The following CENPC variants were observed in gnomAD, a reference collection of about 807,000 sequenced individuals.
CENPC encodes centromere protein C.
A neutral mutation model predicts 112.1 loss-of-function variants in CENPC; 63 were observed. That is an observed-to-expected ratio of 0.56 (90% CI 0.46 to 0.69). The LOEUF is 0.69. Among genes scored for constraint, CENPC ranks in the 30% least tolerant of loss-of-function variants. CENPC has a pLI of 0.00. For synonymous variants in CENPC, 333 were observed against 367.6 expected, an observed-to-expected ratio of 0.91 and a Z score of 1.08; for missense variants, 1,000 against 1,103.8, an observed-to-expected ratio of 0.91 and a Z score of 1.33.
At chr4:67,490,624 G>A (rs1361503240) in intron 16 of CENPC, among the ~76,000 whole-genome samples, 1 of 151,320 alleles carries the variant, frequency 6.6e-6, no homozygotes, top group Non-Finnish European at 1.5e-5. Flanking sequence ...TTTTTTTCCT[G>A]CTTGACTAAT....
intron 18 of CENPC, among the ~76,000 whole-genome samples, chr4:67,473,752 A>AG (rs1560415902): frequency 6.6e-6 from 1 of 151,980 alleles, no homozygotes; most frequent in Non-Finnish European, 1.5e-5. Flanking sequence ...GGGTCTTCCT[A>AG]GGTTGCCCAG....
chr4:67,518,529 A>T (rs1253709078), intron 6 of CENPC, among the ~76,000 whole-genome samples, 161 bp from the exon 7 acceptor site: 1 of 152,180 alleles, frequency 6.6e-6, no homozygotes, highest in African/African-American at 2.4e-5. Context: ...CAAATACATA[A>T]GATAAACTGC....
intron 12 of CENPC, among the ~76,000 whole-genome samples, chr4:67,504,076 T>A (rs1725667569): frequency 7.8e-6 from 1 of 128,204 alleles, no homozygotes; most frequent in Non-Finnish European, 1.6e-5. Flanking sequence ...TGCTTCCCGA[T>A]CAGTGGTGAA....
At chr4:67,495,136 T>A (rs1176914224) in intron 13 of CENPC, 23 bp downstream of exon 13, 1 of 1,492,048 alleles carries the variant, frequency 6.7e-7, no homozygotes, top group Non-Finnish European at 8.9e-7. Flanking sequence ...AATGAAAATA[T>A]TAAAAAAGAA....
At chr4:67,519,085 T>C (rs764649698) in intron 6 of CENPC, 132 bp downstream of exon 6, 2 of 666,620 alleles carry the variant, frequency 3.0e-6, no homozygotes, top group Non-Finnish European at 4.9e-6. Context: ...ATGCTAAATG[T>C]ATACTTTCTC....
At chr4:67,518,721 AT>A (rs1273242202) in intron 6 of CENPC, among the ~76,000 whole-genome samples, 1 of 152,190 alleles carries the variant, frequency 6.6e-6, no homozygotes, top group Non-Finnish European at 1.5e-5. Flanking sequence ...GGCTCCAGTA[AT>A]CATACAATAC....
chr4:67,498,184 G>A (rs1471243718), intron 12 of CENPC, among the ~76,000 whole-genome samples: 1 of 151,592 alleles, frequency 6.6e-6, no homozygotes, highest in Admixed American at 6.6e-5. Flanking sequence ...TCAGTGAGCC[G>A]AGATCACACC....
intron 17 of CENPC, among the ~76,000 whole-genome samples, chr4:67,480,745 T>C (rs553410410): frequency 6.6e-6 from 1 of 152,310 alleles, no homozygotes; most frequent in East Asian, 1.9e-4. Flanking sequence ...AAATCCGGCA[T>C]TGCTTTATGA....
intron 17 of CENPC, among the ~76,000 whole-genome samples, chr4:67,480,754 GATTAAAA>G (rs1724934762): frequency 6.6e-6 from 1 of 152,180 alleles, no homozygotes; most frequent in African/African-American, 2.4e-5. Flanking sequence ...ATTGCTTTAT[GATTAAAA>G]CCCTCAGCAA....
intron 12 of CENPC, among the ~76,000 whole-genome samples, chr4:67,503,331 G>A (rs577382388): frequency 4.4e-4 from 67 of 152,024 alleles, no homozygotes; most frequent in African/African-American, 1.3e-3. Context: ...ACAGCTGCAC[G>A]GTTTGCTGTC....
intron 6 of CENPC, among the ~76,000 whole-genome samples, 165 bp from the exon 7 acceptor site, chr4:67,518,533 A>G (rs1726126385): frequency 6.6e-6 from 1 of 152,176 alleles, no homozygotes; most frequent in African/African-American, 2.4e-5. Flanking sequence ...TACATAAGAT[A>G]AACTGCTCAG....
chr4:67,494,899 C>T (rs958320323), intron 13 of CENPC, among the ~76,000 whole-genome samples: 2 of 152,074 alleles, frequency 1.3e-5, no homozygotes, highest in Non-Finnish European at 2.9e-5. Flanking sequence ...AGCTTCATAG[C>T]TAAGGGAGGA....
intron 17 of CENPC, among the ~76,000 whole-genome samples, chr4:67,477,552 T>C (rs768049137): frequency 3.3e-5 from 5 of 152,158 alleles, no homozygotes; most frequent in African/African-American, 4.8e-5. Context: ...GAATCTGAAC[T>C]GCAGTGCTTG....
At chr4:67,541,148 A>C in intron 2 of CENPC, 98 bp from the exon 3 acceptor site, 1 of 745,750 alleles carries the variant, frequency 1.3e-6, no homozygotes, top group Non-Finnish European at 2.2e-6. Context: ...ATATAAATTT[A>C]CTTAATATGT....
At chr4:67,499,665 T>G (rs150964850) in intron 12 of CENPC, among the ~76,000 whole-genome samples, 3 of 152,212 alleles carry the variant, frequency 2.0e-5, no homozygotes, top group African/African-American at 7.2e-5. Context: ...GCAGTTTCCC[T>G]TTCTTATCAT....
chr4:67,499,824 T>A (rs753817947), intron 12 of CENPC, among the ~76,000 whole-genome samples: 7 of 152,178 alleles, frequency 4.6e-5, no homozygotes, highest in Non-Finnish European at 1.0e-4. Context: ...ATTTCTAGCT[T>A]TTGATTTAAA....
chr4:67,488,225 T>C (rs977052909), intron 17 of CENPC, among the ~76,000 whole-genome samples: 1 of 149,282 alleles, frequency 6.7e-6, no homozygotes, highest in East Asian at 1.9e-4. Context: ...TTCTTCAAAA[T>C]AAAATGCTCA....
At position 67,506,759 on chromosome 4, in the gene CENPC, C is replaced by T. The variant is rs764668023; in HGVS notation, c.2051+29G>A. ...TACAGCAATGGGTAACTAATATATA[C>T]AACTATTATCCTTACAATACACGCA... On this transcript the variant is annotated intron_variant, in intron 11 of 18. Coordinates refer to ENST00000273853, the MANE Select transcript of CENPC (RefSeq NM_001812.4). 10 of 1,519,098 alleles carry T rather than the reference C, an allele frequency of 6.6e-6. No homozygotes were observed. The African/African-American group carries it at 1.4e-4, about 21-fold the overall frequency. The allele number at this position is 1,519,098 out of a possible 1,614,324, so 94.1% of individuals were successfully genotyped here. A position where few individuals can be genotyped will look rare whatever the true frequency, so the allele number is the denominator to read the frequency against.
At chr4:67,497,821 T>C (rs1023109782) in intron 12 of CENPC, among the ~76,000 whole-genome samples, 1 of 104,646 alleles carries the variant, frequency 9.6e-6, no homozygotes, top group Non-Finnish European at 2.0e-5. Flanking sequence ...TGAGCCACCA[T>C]ACCCAGCCAA....
Sources: allele counts gnomAD v4.1 joint callset (sites outside exome capture counted in the v4.1 genomes callset), GRCh38; gene constraint gnomAD v4.1.1; transcripts MANE v1.5; gene names NCBI Gene and HGNC (gene_info 2026-07-23, HGNC 2026-07-21).